SESN2: variants seen among roughly 807,000 people sequenced by gnomAD.
The protein encoded by SESN2 is sestrin-2.
SESN2 carries 42 observed loss-of-function variants against 56.0 expected under a neutral mutation model. The observed-to-expected ratio is 0.75, with a 90% CI of 0.59 to 0.97. SESN2 has a LOEUF of 0.97. Among genes scored for constraint, SESN2 ranks in the 50% least tolerant of loss-of-function variants. The pLI, the probability that SESN2 is intolerant of heterozygous loss-of-function variation, is 0.00. For synonymous variants in SESN2, 264 were observed against 267.1 expected, an observed-to-expected ratio of 0.99 and a Z score of 0.11; for missense variants, 507 against 649.4, an observed-to-expected ratio of 0.78 and a Z score of 2.38.
At chr1:28,279,942 T>G (rs1304958919) in intron 9 of SESN2, among the ~76,000 whole-genome samples, 6 of 152,008 alleles carry the variant, frequency 3.9e-5, no homozygotes, top group South Asian at 4.1e-4. Context: ...CAGCCTCCAC[T>G]TCCTAGGCTC....
At position 28,259,861 on chromosome 1, in the gene SESN2, A is replaced by G; in HGVS notation, c.14A>G (p.Asp5Gly). Residue 5 changes from aspartate (D) to glycine (G), a missense_variant, in exon 1 of 10, where the codon GAC (aspartate) becomes GGC (glycine). By Grantham distance (94) the Asp-to-Gly change is moderately conservative (BLOSUM62 -1). Transcript: ENST00000253063. Reference sequence around the variant, plus strand: ...CTGGCGCGCACCATGATCGTGGCGGACTCCGAGTGCCGCGCAGAGCTCAAG... The same window carrying G: ...CTGGCGCGCACCATGATCGTGGCGGGCTCCGAGTGCCGCGCAGAGCTCAAG... MIVA[D>G]SECRAELKDY... The G allele has an allele frequency of 1.4e-6, 2 of 1,401,492 alleles. No individual in the cohort carries two copies. The highest frequency in any genetic ancestry group is 3.3e-5 in the Admixed American group (1 of 30,720). The allele number at this position is 1,401,492 out of a possible 1,614,324, so 86.8% of individuals were successfully genotyped here.
intron 9 of SESN2, among the ~76,000 whole-genome samples, chr1:28,279,494 ACTATCT>A (rs935366734): frequency 1.4e-4 from 22 of 151,914 alleles, no homozygotes; most frequent in Non-Finnish European, 1.5e-4. Flanking sequence ...AAATCATAAC[ACTATCT>A]CTTGATAGCA....
intron 8 of SESN2, among the ~76,000 whole-genome samples, chr1:28,275,891 C>T (rs1237738673): frequency 1.3e-5 from 2 of 151,990 alleles, no homozygotes; most frequent in Non-Finnish European, 2.9e-5. Context: ...CCCATCTCTA[C>T]AAAAAATTAA....
Position 28,272,573 on chromosome 1 carries a change from C to G in SESN2, c.538-8C>G. 6.2e-7 allele frequency: 1 copy of G among 1,613,798 alleles called. No homozygotes were observed. The highest frequency in any genetic ancestry group is 8.5e-7 in the Non-Finnish European group (1 of 1,179,850). Reference sequence around the variant, plus strand: ...AGCAGCTCTGACCTCCCCCCTTGTCCCTTCCAGGCCTTGCTGAAGACCGGC... The same window carrying G: ...AGCAGCTCTGACCTCCCCCCTTGTCGCTTCCAGGCCTTGCTGAAGACCGGC... On this transcript the variant is annotated splice_polypyrimidine_tract_variant and splice_region_variant and intron_variant, in intron 4 of 9. Transcript: ENST00000253063.
In SESN2 at chr1:28,259,755, G is replaced by A. The variant is rs1647303063; in HGVS notation, c.-93G>A. ...CCCGGGGTTCTAGAAGCTCCCCGGC[G>A]GCGCCCAGTCCCGGCTTCATTCGGG... On this transcript the variant is annotated 5_prime_UTR_variant, in exon 1 of 10. Coordinates refer to ENST00000253063, the MANE Select transcript of SESN2 (RefSeq NM_031459.5). 1.0e-6 allele frequency: 1 copy of A among 971,684 alleles called. No homozygotes were observed. The highest frequency in any genetic ancestry group is 1.4e-6 in the Non-Finnish European group (1 of 711,904). The allele number at this position is 971,684 out of a possible 1,614,324, so 60.2% of individuals were successfully genotyped here. A position where few individuals can be genotyped will look rare whatever the true frequency, so the allele number is the denominator to read the frequency against.
chr1:28,272,388 C>G lies in SESN2; in HGVS notation c.459C>G (p.Pro153=), dbSNP rs376058765. The G allele has an allele frequency of 2.5e-6, 4 of 1,613,582 alleles. No individual in the cohort carries two copies. Among genetic ancestry groups the G allele is most frequent in the Non-Finnish European group, 3.4e-6 (4 of 1,180,000 alleles). The change falls in exon 4 of 10, where the codon CCC becomes CCG. Residue 153 remains proline, a synonymous_variant. Transcript: ENST00000253063. ...PEWLLGLHRA[P]EKLRKLSEIN... is the part of the protein sequence containing the mutation. ...GGCTGCTGGGCCTCCACCGGGCCCC[C>G]GAGAAGCTGCGCAAACTCAGCGAGA...
chr1:28,261,581 C>T (rs1227221565), intron 1 of SESN2, among the ~76,000 whole-genome samples: 1 of 152,130 alleles, frequency 6.6e-6, no homozygotes, highest in Non-Finnish European at 1.5e-5. Flanking sequence ...CAGAACGTGG[C>T]CATGGCACGC....
At chr1:28,260,206 C>T (rs1247442465) in intron 1 of SESN2, among the ~76,000 whole-genome samples, 5 of 150,296 alleles carry the variant, frequency 3.3e-5, no homozygotes, top group Non-Finnish European at 7.4e-5. Flanking sequence ...GGCCGCGGAT[C>T]CTTCCTCGGC....
In SESN2 at chr1:28,271,751, C is replaced by T. The variant is rs1647783647; in HGVS notation, c.234C>T (p.Asn78=). Residue 78 remains asparagine, a synonymous_variant, in exon 3 of 10, where the codon AAC becomes AAT. Coordinates refer to ENST00000253063, the MANE Select transcript of SESN2 (RefSeq NM_031459.5). ...EALMSSGRVD[N]LAVVMGLHPD... The stretch of plus-strand genomic sequence containing the variant: ...TGATGTCCTCTGGGCGAGTAGACAA[C>T]CTGGCAGTGGTGATGGGCCTGCACC... The T allele has an allele frequency of 1.9e-6, 3 of 1,614,100 alleles. No individual in the cohort carries two copies. The highest frequency in any genetic ancestry group is 1.3e-5 in the African/African-American group (1 of 74,948).
At chr1:28,269,046 C>G in intron 1 of SESN2, 137 bp from the exon 2 acceptor site, 1 of 565,402 alleles carries the variant, frequency 1.8e-6, no homozygotes, top group Non-Finnish European at 3.1e-6. Flanking sequence ...CCATCTGGCT[C>G]CACCATCCAA....
chr1:28,280,183 G>C (rs931436918), intron 9 of SESN2, among the ~76,000 whole-genome samples: 1 of 152,056 alleles, frequency 6.6e-6, no homozygotes, highest in Admixed American at 6.6e-5. Context: ...TCTCACCTCA[G>C]CCTCCCAAGT....
chr1:28,278,291 A>G (rs1432370506), intron 8 of SESN2, among the ~76,000 whole-genome samples: 1 of 152,162 alleles, frequency 6.6e-6, no homozygotes, highest in African/African-American at 2.4e-5. Context: ...ATTCCTGTCC[A>G]GGCGTGGTGG....
chr1:28,265,637 C>T (rs1243645451), intron 1 of SESN2, among the ~76,000 whole-genome samples: 2 of 152,112 alleles, frequency 1.3e-5, no homozygotes, highest in East Asian at 3.8e-4. Flanking sequence ...TCTGGTGATC[C>T]GCCTGCCTCG....
Position 28,266,556 on chromosome 1 carries a change from C to CTTTT in SESN2, c.91-2609_91-2606dup, listed in dbSNP as rs71586835. On this transcript the variant is annotated intron_variant, in intron 1 of 9. Coordinates refer to ENST00000253063, the MANE Select transcript of SESN2 (RefSeq NM_031459.5). The stretch of plus-strand genomic sequence containing the variant: ...ATGCAATTTGTGTCAAGAGCCCCAT[C>CTTTT]TTTTTTTTTTTTTTTTTTTTTGAGA... Among the ~76,000 whole-genome samples, 100 of 116,958 alleles carry CTTTT rather than the reference C, an allele frequency of 8.6e-4. 1 individual carries two copies. The highest frequency in any genetic ancestry group is 1.2e-3 in the Non-Finnish European group (67 of 57,340). 76.7% of individuals were successfully genotyped at this position (116,958 alleles called of 152,430 possible). A position where few individuals can be genotyped will look rare whatever the true frequency, so the allele number is the denominator to read the frequency against.
chr1:28,279,314 C>A, intron 9 of SESN2, 73 bp downstream of exon 9: 1 of 1,507,878 alleles, frequency 6.6e-7, no homozygotes, highest in Non-Finnish European at 9.1e-7. Context: ...GGGTTAGGAC[C>A]CAGTGAGAGT....
chr1:28,272,920 A>G, intron 5 of SESN2, 127 bp downstream of exon 5: 1 of 623,106 alleles, frequency 1.6e-6, no homozygotes, highest in Non-Finnish European at 2.8e-6. Context: ...TAGAAAAGTT[A>G]TTTGACTTTG....
chr1:28,273,896 T>G, intron 6 of SESN2, 144 bp from the exon 7 acceptor site: 2 of 658,670 alleles, frequency 3.0e-6, no homozygotes, highest in Admixed American at 2.5e-5. Flanking sequence ...TGGCTCCAGC[T>G]GAAATCTTGC....
At position 28,279,035 on chromosome 1, in the gene SESN2, C is replaced by T. The variant is rs956276026; in HGVS notation, c.1212-62C>T. 3.2e-5 allele frequency: 50 copies of T among 1,558,380 alleles called. No individual in the cohort carries two copies. In the Admixed American group the frequency reaches 3.9e-4, roughly 12 times the overall value. ...TTCTTCCCTCTGTAGGGTGGGGTTG[C>T]GGGGAGGGAGCTGCCTTTGGGAAGA... is the stretch of plus-strand genomic sequence containing the variant. On this transcript the variant is annotated intron_variant, in intron 8 of 9. Coordinates refer to ENST00000253063, the MANE Select transcript of SESN2 (RefSeq NM_031459.5).
intron 9 of SESN2, among the ~76,000 whole-genome samples, chr1:28,280,101 G>C (rs1357624023): frequency 1.3e-5 from 2 of 151,908 alleles, no homozygotes; most frequent in East Asian, 1.9e-4. Context: ...GCCTCTCAAA[G>C]TTTTTTGTTT....
Sources: gnomAD v4.1 joint callset for allele counts (sites outside exome capture counted in the v4.1 genomes callset) on GRCh38, gnomAD v4.1.1 for gene constraint, MANE v1.5 for transcripts, NCBI Gene and HGNC (gene_info 2026-07-23, HGNC 2026-07-21) for gene names.